Variants in TAB2 observed in about 807,000 individuals in gnomAD.
The protein encoded by TAB2 is TGF-beta-activated kinase 1 and MAP3K7-binding protein 2.
Under a neutral mutation model 65.0 loss-of-function variants are expected in TAB2, and 3 were observed. The observed-to-expected ratio is 0.05, with a 90% CI of 0.02 to 0.12. The LOEUF (loss-of-function observed/expected upper bound fraction) is 0.12. Among genes scored for constraint, TAB2 ranks in the 10% least tolerant of loss-of-function variants. TAB2 has a pLI of 1.00. For missense variants in TAB2, 623 were observed against 840.3 expected (o/e 0.74, Z 3.20); for synonymous variants, 298 against 285.1 (o/e 1.05, Z -0.46).
At chr6:149,318,772 T>C (rs1201082608) in intron 1 of TAB2, 1 of 152,276 alleles carries the variant, frequency 6.6e-6, no homozygotes, top group African/African-American at 2.4e-5. Flanking sequence ...CACCAAAGTG[T>C]CAGAGACCGT....
chr6:149,322,758 ATATT>A (rs2114731665), intron 1 of TAB2, among the ~76,000 whole-genome samples: 1 of 152,316 alleles, frequency 6.6e-6, no homozygotes, highest in South Asian at 2.1e-4. Flanking sequence ...TACTTTTAAA[ATATT>A]TAGTACAGTA....
At chr6:149,270,583 A>G in intron 1 of TAB2, among the ~76,000 whole-genome samples, 1 of 151,280 alleles carries the variant, frequency 6.6e-6, no homozygotes, top group East Asian at 1.9e-4. Context: ...AACATTCTAC[A>G]ATCTATACAT....
intron 1 of TAB2, among the ~76,000 whole-genome samples, chr6:149,250,793 T>G (rs1335304224): frequency 6.6e-6 from 1 of 152,214 alleles, no homozygotes; most frequent in Non-Finnish European, 1.5e-5. Context: ...TCCTTTGCTT[T>G]GCTTCAAATC....
intron 1 of TAB2, among the ~76,000 whole-genome samples, chr6:149,273,466 G>C (rs1441774664): frequency 6.6e-6 from 1 of 152,236 alleles, no homozygotes. Context: ...CTGAGGATCT[G>C]TCCACCAAGT....
chr6:149,382,610 A>T (rs182426543), intron 3 of TAB2, among the ~76,000 whole-genome samples: 1 of 151,922 alleles, frequency 6.6e-6, no homozygotes. Context: ...AAAAAAAAAA[A>T]TTCTAACTAG....
chr6:149,244,191 C>T (rs1394855460), intron 1 of TAB2: 1 of 152,218 alleles, frequency 6.6e-6, no homozygotes, highest in Non-Finnish European at 1.5e-5. Flanking sequence ...GAAACAGCCT[C>T]AATAAAAGGG....
intron 1 of TAB2, among the ~76,000 whole-genome samples, chr6:149,219,066 C>G (rs949621146): frequency 2.0e-5 from 3 of 152,196 alleles, no homozygotes; most frequent in African/African-American, 7.2e-5. Flanking sequence ...TTCATTGTCA[C>G]TTACTCAGTT....
chr6:149,387,205 T>C (rs1019213186), intron 3 of TAB2, among the ~76,000 whole-genome samples: 1 of 152,212 alleles, frequency 6.6e-6, no homozygotes, highest in Non-Finnish European at 1.5e-5. Context: ...TTTACCCCTA[T>C]TTTTTCCTCC....
At chr6:149,332,125 A>G (rs1453093547) in intron 1 of TAB2, among the ~76,000 whole-genome samples, 2 of 152,176 alleles carry the variant, frequency 1.3e-5, no homozygotes, top group Non-Finnish European at 2.9e-5. Context: ...GTTTGGGAGC[A>G]TGGTAAAGTA....
intron 1 of TAB2, among the ~76,000 whole-genome samples, chr6:149,341,175 G>C (rs928533761): frequency 1.3e-5 from 2 of 152,012 alleles, no homozygotes; most frequent in Admixed American, 1.3e-4. Flanking sequence ...TACTTGGAAA[G>C]AGAATTACAT....
chr6:149,261,424 A>G (rs9377203), intron 1 of TAB2, among the ~76,000 whole-genome samples: 25,714 of 152,272 alleles, frequency 0.17, 2,291 homozygotes, highest in Admixed American at 0.23. Context: ...CTTTAAAGAC[A>G]AAAAGAACTA....
At chr6:149,225,556 G>T (rs1465767827) in intron 1 of TAB2, among the ~76,000 whole-genome samples, 1 of 152,128 alleles carries the variant, frequency 6.6e-6, no homozygotes, top group East Asian at 1.9e-4. Context: ...GTCAGACAGA[G>T]CAGGGCAAAG....
At chr6:149,245,435 T>C (rs1441343784) in intron 1 of TAB2, 1 of 152,230 alleles carries the variant, frequency 6.6e-6, no homozygotes, top group African/African-American at 2.4e-5. Context: ...TTTTATATTA[T>C]AGAATAGGAT....
At chr6:149,349,873 T>C (rs1780432615) in intron 1 of TAB2, among the ~76,000 whole-genome samples, 1 of 152,112 alleles carries the variant, frequency 6.6e-6, no homozygotes, top group African/African-American at 2.4e-5. Context: ...ACTAAGTAGT[T>C]AGGATACACC....
At chr6:149,237,101 A>G (rs1777509459) in intron 1 of TAB2, among the ~76,000 whole-genome samples, 1 of 152,236 alleles carries the variant, frequency 6.6e-6, no homozygotes, top group South Asian at 2.1e-4. Flanking sequence ...CTGAGCATAA[A>G]GAATTCCTTG....
intron 1 of TAB2, among the ~76,000 whole-genome samples, chr6:149,330,392 C>T (rs1779747305): frequency 6.6e-6 from 1 of 152,122 alleles, no homozygotes; most frequent in South Asian, 2.1e-4. Flanking sequence ...AGTAGCTGTA[C>T]AATTTTACAT....
At position 149,253,133 on chromosome 6, in the gene TAB2, G is replaced by A. The variant is rs534461618; in HGVS notation, c.-121+34357G>A. 5.9e-5 allele frequency: 9 copies of A among 152,408 alleles called. No individual in the cohort carries two copies. In the East Asian group the frequency reaches 1.3e-3, roughly 23 times the overall value. 9.4% of individuals were successfully genotyped at this position (152,408 alleles called of 1,614,324 possible). ...ATTTCAGCCTGGCTGGTTCGTGTAA[G>A]TTAATCCTGGTAATCCTGTTCCCTT... is the stretch of plus-strand genomic sequence containing the variant. On this transcript the variant is annotated intron_variant, in intron 1 of 1. Coordinates refer to the TAB2 transcript ENST00000606202.
At chr6:149,295,778 C>A (rs1778864745) in intron 1 of TAB2, among the ~76,000 whole-genome samples, 1 of 151,806 alleles carries the variant, frequency 6.6e-6, no homozygotes, top group South Asian at 2.1e-4. Context: ...ATCTTTTTTT[C>A]TTCTTCTTTT....
intron 1 of TAB2, among the ~76,000 whole-genome samples, chr6:149,307,115 G>A (rs905261257): frequency 2.6e-5 from 4 of 152,108 alleles, no homozygotes; most frequent in African/African-American, 9.7e-5. Context: ...GTCTGTTCAT[G>A]GATGGGTAGT....
Sources: gnomAD v4.1 joint callset for allele counts (sites outside exome capture counted in the v4.1 genomes callset) on GRCh38, gnomAD v4.1.1 for gene constraint, MANE v1.5 for transcripts, NCBI Gene and HGNC (gene_info 2026-07-23, HGNC 2026-07-21) for gene names.